The following PABPC4 variants were observed in gnomAD, a reference collection of about 807,000 sequenced individuals.
PABPC4 encodes polyadenylate-binding protein 4.
A neutral mutation model predicts 74.5 loss-of-function variants in PABPC4; 15 were observed. The ratio of observed to expected loss-of-function variants is 0.20; its 90% confidence interval spans 0.13 to 0.31. PABPC4 has a LOEUF of 0.31. Among genes scored for constraint, PABPC4 ranks in the 10% least tolerant of loss-of-function variants. The pLI is 1.00. For missense variants in PABPC4, 610 were observed against 853.5 expected (o/e 0.71, Z 3.55); for synonymous variants, 345 against 303.0 (o/e 1.14, Z -1.44).
At chr1:39,566,599 C>A (rs1458911162) in intron 7 of PABPC4, among the ~76,000 whole-genome samples, 1 of 152,188 alleles carries the variant, frequency 6.6e-6, no homozygotes, top group Non-Finnish European at 1.5e-5. Context: ...GCCCAGAGAG[C>A]CTCCTGAAGT....
At chr1:39,571,107 G>A in intron 3 of PABPC4, 127 bp downstream of exon 3, 1 of 1,555,198 alleles carries the variant, frequency 6.4e-7, no homozygotes, top group Non-Finnish European at 8.7e-7. Flanking sequence ...CAGCCCTGGA[G>A]TGGAGAGGTA....
chr1:39,563,811 C>T (rs768662396), intron 11 of PABPC4, 25 bp downstream of exon 11: 1 of 1,614,116 alleles, frequency 6.2e-7, no homozygotes, highest in Non-Finnish European at 8.5e-7. Context: ...CCATCTTTCC[C>T]CCTTCTGTGT....
chr1:39,566,271 A>G (rs1169131420), intron 7 of PABPC4, among the ~76,000 whole-genome samples: 1 of 152,176 alleles, frequency 6.6e-6, no homozygotes, highest in Non-Finnish European at 1.5e-5. Context: ...ACAAGCTCTT[A>G]CCAACGTCAG....
chr1:39,566,745 C>T (rs1017526176), intron 7 of PABPC4, among the ~76,000 whole-genome samples: 1 of 152,162 alleles, frequency 6.6e-6, no homozygotes, highest in African/African-American at 2.4e-5. Flanking sequence ...CTTCTGCTCT[C>T]TTAACAAATG....
rs1646020710 is a variant in PABPC4, at chr1:39,576,006, C to T, written c.-55G>A. 2.3e-6 allele frequency: 3 copies of T among 1,291,060 alleles called. No individual in the cohort carries two copies. The highest frequency in any genetic ancestry group is 3.1e-6 in the Non-Finnish European group (3 of 969,166). 80.0% of individuals were successfully genotyped at this position (1,291,060 alleles called of 1,614,324 possible). A position where few individuals can be genotyped will look rare whatever the true frequency, so the allele number is the denominator to read the frequency against. The stretch of plus-strand genomic sequence containing the variant: ...CCAGGAGGACTTCTTATCGGGCCCG[C>T]CGCAGGACAAAGGGGCGCCTTCGGA... On this transcript the variant is annotated 5_prime_UTR_variant, in exon 1 of 16. Coordinates refer to ENST00000372858, the MANE Select transcript of PABPC4 (RefSeq NM_001135653.2).
rs753064054 is a variant in PABPC4 at position 39,564,504 on chromosome 1, G to A, written c.1372C>T (p.Pro458Ser). 4.3e-6 allele frequency: 7 copies of A among 1,614,224 alleles called. No homozygotes were observed. The highest frequency in any genetic ancestry group is 4.2e-6 in the Non-Finnish European group (5 of 1,180,022). Residue 458 changes from proline to serine, a missense_variant, in exon 10 of 16, where the codon CCT becomes TCT. By Grantham distance (74) the Pro-to-Ser change is moderately conservative (BLOSUM62 -1). This residue lies in a region of PABPC4 where 277 missense variants were observed against 301.8 expected (regional missense o/e 0.92). Coordinates refer to ENST00000372858, the MANE Select transcript of PABPC4 (RefSeq NM_001135653.2). ...GCCAGATGGCGAAGAGTTGGACGAG[G>A]CCCAGACTGGCGTATAGCACTTGGC... ...GMPSAIRQSG[P>S]RPTLRHLAPT...
rs115143516 is a variant in PABPC4 at position 39,573,010 on chromosome 1, T to C, written c.194-424A>G. 747 of 159,334 alleles carry C rather than the reference T, an allele frequency of 4.7e-3. 4 individuals are homozygous for C. The highest frequency in any genetic ancestry group is 0.017 in the African/African-American group (706 of 41,750). 9.9% of individuals were successfully genotyped at this position (159,334 alleles called of 1,614,324 possible). On this transcript the variant is annotated intron_variant, in intron 1 of 15. Coordinates refer to ENST00000372858, the MANE Select transcript of PABPC4 (RefSeq NM_001135653.2). The stretch of plus-strand genomic sequence containing the variant: ...TTTACAAAATGAACAAACTTATGTT[T>C]AGGGTAACTAAGCTGTGCAGCTAGC...
Position 39,576,294 on chromosome 1 carries a change from T to A in PABPC4, c.-343A>T. ...ATCCCCTTCCGAAGGGTAAAAATCC[T>A]TTAAGAGGCGACCGGACGCTGCCCA... On this transcript the variant is annotated 5_prime_UTR_variant, in exon 1 of 16. The change creates a new upstream start codon in the 5' untranslated region. Coordinates refer to ENST00000372858, the MANE Select transcript of PABPC4 (RefSeq NM_001135653.2). 1 of 204,406 alleles carries A rather than the reference T, an allele frequency of 4.9e-6. No individual in the cohort carries two copies. The highest frequency in any genetic ancestry group is 9.8e-6 in the Non-Finnish European group (1 of 102,424). The allele number at this position is 204,406 out of a possible 1,614,324, so 12.7% of individuals were successfully genotyped here. A position where few individuals can be genotyped will look rare whatever the true frequency, so the allele number is the denominator to read the frequency against.
intron 1 of PABPC4, among the ~76,000 whole-genome samples, chr1:39,575,556 C>G (rs1234107141): frequency 6.6e-6 from 1 of 152,224 alleles, no homozygotes; most frequent in Admixed American, 6.5e-5. Context: ...CCCAAGGTCA[C>G]CCAGTTAGCA....
intron 4 of PABPC4, 74 bp downstream of exon 4, chr1:39,569,789 C>CA (rs1437368263): frequency 3.1e-6 from 5 of 1,588,764 alleles, no homozygotes; most frequent in Non-Finnish European, 4.3e-6. Context: ...ATCTCTGGAG[C>CA]AGTGCCCTCA....
At chr1:39,565,452 A>G in intron 7 of PABPC4, 74 bp from the exon 8 acceptor site, 2 of 1,492,548 alleles carry the variant, frequency 1.3e-6, no homozygotes, top group South Asian at 1.3e-5. Context: ...CTGTAATCCC[A>G]GCACTTTGGA....
At position 39,572,376 on chromosome 1, in the gene PABPC4, A is replaced by G. The variant is rs773201152; in HGVS notation, c.387+17T>C. On this transcript the variant is annotated intron_variant, in intron 2 of 15. Transcript: ENST00000372858. Reference sequence around the variant, plus strand: ...ATCAATTAATTATTCTGCTAAAATCATTTAATCAATGTTTACCTTGCAGGA... The same window carrying G: ...ATCAATTAATTATTCTGCTAAAATCGTTTAATCAATGTTTACCTTGCAGGA... The G allele has an allele frequency of 1.9e-6, 3 of 1,549,808 alleles. No homozygotes were observed. Among genetic ancestry groups the G allele is most frequent in the Admixed American group, 3.4e-5 (2 of 58,442 alleles).
intron 12 of PABPC4, 55 bp downstream of exon 12, chr1:39,563,559 A>AC: frequency 1.9e-6 from 3 of 1,582,588 alleles, no homozygotes; most frequent in Non-Finnish European, 2.6e-6. Flanking sequence ...AGCTTCTTTT[A>AC]CATCAAGTGG....
intron 3 of PABPC4, 81 bp downstream of exon 3, chr1:39,571,153 G>A (rs971171409): frequency 8.7e-6 from 14 of 1,604,070 alleles, no homozygotes; most frequent in African/African-American, 4.0e-5. Flanking sequence ...ACCAGTAGCC[G>A]CCTTGTGTGT....
intron 1 of PABPC4, among the ~76,000 whole-genome samples, chr1:39,574,227 C>T (rs572822120): frequency 6.6e-6 from 1 of 152,300 alleles, no homozygotes; most frequent in African/African-American, 2.4e-5. Context: ...CGATCCAAGT[C>T]AGGAACAGTC....
At chr1:39,562,042 C>T in intron 14 of PABPC4, 31 bp downstream of exon 14, 2 of 1,604,880 alleles carry the variant, frequency 1.2e-6, no homozygotes, top group South Asian at 2.2e-5. Flanking sequence ...AAGCTGAGAA[C>T]TGAAGCTGCA....
rs1645805279 is a variant in PABPC4 at position 39,564,445 on chromosome 1, G to T, written c.1431C>A (p.Leu477=). ...PTGNAPASRG[L]PTTTQRVGSE... ...CACCGACTCTCTGAGTGGTAGTAGG[G>T]AGGCCACGAGAGGCCGGAGCATTAC... Residue 477 remains leucine, a synonymous_variant, in exon 10 of 16, where the codon CTC becomes CTA. Transcript: ENST00000372858. 6 of 1,614,054 alleles carry T rather than the reference G, an allele frequency of 3.7e-6. No individual in the cohort carries two copies. The African/African-American group carries it at 6.7e-5, about 18-fold the overall frequency.
chr1:39,564,589 G>T, intron 9 of PABPC4, 47 bp from the exon 10 acceptor site: 1 of 1,612,764 alleles, frequency 6.2e-7, no homozygotes, highest in South Asian at 1.1e-5. Flanking sequence ...ATGTGGACCA[G>T]AACCTAGGCT....
chr1:39,562,227 AAAAC>A, intron 13 of PABPC4, 24 bp from the exon 14 acceptor site: 1 of 1,613,962 alleles, frequency 6.2e-7, no homozygotes, highest in Non-Finnish European at 8.5e-7. Context: ...AGTTAATAAA[AAAAC>A]AAATCAAATC....
Sources: gnomAD v4.1 joint callset for allele counts (sites outside exome capture counted in the v4.1 genomes callset) on GRCh38, gnomAD v4.1.1 for gene constraint, gnomAD v4.1.1 regional missense constraint, MANE v1.5 for transcripts, NCBI Gene and HGNC (gene_info 2026-07-23, HGNC 2026-07-21) for gene names.